Variants in TMEM163 observed in about 807,000 individuals in gnomAD.
The protein encoded by TMEM163 is transmembrane protein 163.
Under a neutral mutation model 29.3 loss-of-function variants are expected in TMEM163, and 17 were observed. That is an observed-to-expected ratio of 0.58 (90% CI 0.40 to 0.87). The LOEUF (loss-of-function observed/expected upper bound fraction) is 0.87, where lower values mean the gene tolerates loss of function less well. Ranked by LOEUF, TMEM163 falls within the 40% of genes least tolerant of loss-of-function variation. The pLI, the probability that TMEM163 is intolerant of heterozygous loss-of-function variation, is 0.00. For missense variants in TMEM163, 303 were observed against 381.5 expected, an observed-to-expected ratio of 0.79 and a Z score of 1.71; for synonymous variants, 157 against 160.6, an observed-to-expected ratio of 0.98 and a Z score of 0.17.
At chr2:134,663,280 C>T (rs1378291429) in intron 2 of TMEM163, among the ~76,000 whole-genome samples, 1 of 152,222 alleles carries the variant, frequency 6.6e-6, no homozygotes, top group Non-Finnish European at 1.5e-5. Context: ...CTGTGACTTA[C>T]ATCTTCTGTT....
At chr2:134,538,409 T>C (rs1558938011) in intron 4 of TMEM163, among the ~76,000 whole-genome samples, 1 of 152,178 alleles carries the variant, frequency 6.6e-6, no homozygotes, top group East Asian at 1.9e-4. Flanking sequence ...TGATATTTCA[T>C]TACAGCAGCC....
At chr2:134,522,259 C>A (rs1442888653) in intron 4 of TMEM163, among the ~76,000 whole-genome samples, 1 of 152,200 alleles carries the variant, frequency 6.6e-6, no homozygotes, top group Non-Finnish European at 1.5e-5. Context: ...GGCTTGTTTT[C>A]CACAAGAGGG....
chr2:134,540,184 G>A lies in TMEM163; in HGVS notation c.458+10386C>T, dbSNP rs139751433. Among the ~76,000 whole-genome samples the A allele has an allele frequency of 1.4e-3, 218 of 152,342 alleles. 3 individuals are homozygous for A. The highest frequency in any genetic ancestry group is 5.1e-3 in the African/African-American group (212 of 41,574). ...ATGCTTCCTGGCAGCAGGTGCCAGA[G>A]GACGGGCTACAGCTGCAGACAAAGG... On this transcript the variant is annotated intron_variant, in intron 4 of 7. Transcript: ENST00000281924.
chr2:134,463,710 G>C (rs148846895), intron 6 of TMEM163, among the ~76,000 whole-genome samples: 1 of 152,334 alleles, frequency 6.6e-6, no homozygotes, highest in East Asian at 1.9e-4. Flanking sequence ...ACGTTTTGGG[G>C]ATCAGGGCAG....
chr2:134,577,375 G>A (rs913015087), intron 2 of TMEM163, among the ~76,000 whole-genome samples: 1 of 152,108 alleles, frequency 6.6e-6, no homozygotes, highest in Non-Finnish European at 1.5e-5. Flanking sequence ...TTTAGACGGC[G>A]AAAATGAAGA....
chr2:134,694,186 A>C (rs1199437947), intron 2 of TMEM163, among the ~76,000 whole-genome samples: 1 of 152,250 alleles, frequency 6.6e-6, no homozygotes, highest in East Asian at 1.9e-4. Context: ...GTGTTAGCTA[A>C]GAAAATAATG....
At chr2:134,684,663 T>C (rs557319176) in intron 2 of TMEM163, among the ~76,000 whole-genome samples, 17 of 152,188 alleles carry the variant, frequency 1.1e-4, no homozygotes, top group African/African-American at 3.9e-4. Flanking sequence ...AGGTGGCTCA[T>C]GCCTGTAATA....
At chr2:134,551,968 AT>A in intron 3 of TMEM163, 79 bp downstream of exon 3, 1 of 1,171,922 alleles carries the variant, frequency 8.5e-7, no homozygotes, top group South Asian at 1.3e-5. Context: ...AACCACCCTC[AT>A]TTGAGGGCTC....
At chr2:134,599,351 C>A (rs1416307654) in intron 2 of TMEM163, among the ~76,000 whole-genome samples, 1 of 152,062 alleles carries the variant, frequency 6.6e-6, no homozygotes. Context: ...AATCCTGACC[C>A]CCAAGGCTAT....
chr2:134,690,142 G>C (rs1302479000), intron 2 of TMEM163, among the ~76,000 whole-genome samples: 2 of 152,072 alleles, frequency 1.3e-5, no homozygotes, highest in Admixed American at 1.3e-4. Context: ...TGTTGGCCAG[G>C]CTGGTCTCCA....
intron 4 of TMEM163, among the ~76,000 whole-genome samples, chr2:134,507,052 C>A (rs1212143157): frequency 6.6e-6 from 1 of 152,096 alleles, no homozygotes; most frequent in East Asian, 1.9e-4. Context: ...AATTTAAATT[C>A]CCGGCCGGGT....
At chr2:134,555,894 G>A (rs942275688) in intron 2 of TMEM163, among the ~76,000 whole-genome samples, 7 of 152,174 alleles carry the variant, frequency 4.6e-5, no homozygotes, top group African/African-American at 1.7e-4. Context: ...TGATTTGGGT[G>A]GGATGACACT....
At chr2:134,498,292 TCTC>T (rs1231269026) in intron 5 of TMEM163, among the ~76,000 whole-genome samples, 5 of 150,850 alleles carry the variant, frequency 3.3e-5, no homozygotes, top group African/African-American at 9.8e-5. Context: ...CATCCCCCCT[TCTC>T]CTCATCCCAC....
intron 5 of TMEM163, among the ~76,000 whole-genome samples, chr2:134,495,239 T>C (rs1679524076): frequency 6.6e-6 from 1 of 152,162 alleles, no homozygotes; most frequent in Admixed American, 6.5e-5. Flanking sequence ...AAAGAAGGCA[T>C]GTGTACAGAA....
At position 134,663,933 on chromosome 2, in the gene TMEM163, A is replaced by G. The variant is rs138994935; in HGVS notation, c.322+49267T>C. ...CTTGAGGCCTCTCTGGCAGGTGAGC[A>G]CCCAACCTGGCCAGCCTGCTGATCC... On this transcript the variant is annotated intron_variant, in intron 2 of 7. Transcript: ENST00000281924. Among the ~76,000 whole-genome samples the G allele has an allele frequency of 2.0e-5, 3 of 152,258 alleles. No homozygotes were observed. The East Asian group carries it at 5.8e-4, about 29-fold the overall frequency.
At chr2:134,493,718 C>A (rs1050776675) in intron 5 of TMEM163, among the ~76,000 whole-genome samples, 1 of 152,144 alleles carries the variant, frequency 6.6e-6, no homozygotes, top group African/African-American at 2.4e-5. Flanking sequence ...AAGATTGCAA[C>A]AATTTTCTCT....
At position 134,532,316 on chromosome 2, in the gene TMEM163, CACA is replaced by C. The variant is rs146394452; in HGVS notation, c.458+18251_458+18253del. On this transcript the variant is annotated intron_variant, in intron 4 of 7. Coordinates refer to ENST00000281924, the MANE Select transcript of TMEM163 (RefSeq NM_030923.5). ...CACACAAGGCCTCCTGTCGAGATAA[CACA>C]ACAAGCCCCAAGTGCTGTGAGATTC... is the stretch of plus-strand genomic sequence containing the variant. 5.1e-4 allele frequency among the ~76,000 whole-genome samples: 78 copies of C among 152,320 alleles called. No individual in the cohort carries two copies. The East Asian group carries it at 0.013, about 24-fold the overall frequency.
intron 5 of TMEM163, among the ~76,000 whole-genome samples, chr2:134,498,354 C>CT (rs765734718): frequency 0.2 from 23,432 of 115,394 alleles, 3,130 homozygotes; most frequent in South Asian, 0.33. Flanking sequence ...TGCATGTGGG[C>CT]TTTTTTTTTT....
At chr2:134,514,150 T>C (rs567475902) in intron 4 of TMEM163, among the ~76,000 whole-genome samples, 73 of 152,264 alleles carry the variant, frequency 4.8e-4, no homozygotes, top group African/African-American at 1.6e-3. Flanking sequence ...GGTAGCATTG[T>C]AGAACAACAT....
Sources: gnomAD v4.1 joint callset for allele counts (sites outside exome capture counted in the v4.1 genomes callset) on GRCh38, gnomAD v4.1.1 for gene constraint, MANE v1.5 for transcripts, NCBI Gene and HGNC (gene_info 2026-07-23, HGNC 2026-07-21) for gene names.